The following SETBP1 variants were observed in gnomAD, a reference collection of about 807,000 sequenced individuals.
SETBP1 encodes the protein SET binding protein 1.
In SETBP1, 9 loss-of-function variants were observed where a neutral mutation model predicts 101.0. That is an observed-to-expected ratio of 0.09 (90% confidence interval 0.05 to 0.16). The LOEUF (loss-of-function observed/expected upper bound fraction) is 0.16, where lower values mean the gene tolerates loss of function less well. SETBP1 is among the 10% of genes least tolerant of loss of function. SETBP1 has a pLI of 1.00. For missense variants in SETBP1, 1,858 were observed against 2,033.8 expected (o/e 0.91, Z 1.66); for synonymous variants, 818 against 788.5 (o/e 1.04, Z -0.63).
chr18:45,033,899 A>T (rs930896104), intron 4 of SETBP1, among the ~76,000 whole-genome samples: 1 of 152,188 alleles, frequency 6.6e-6, no homozygotes, highest in Non-Finnish European at 1.5e-5. Flanking sequence ...GAACCCCTTG[A>T]CTTTCTTATC....
At chr18:44,687,448 G>T (rs1456780302) in intron 1 of SETBP1, among the ~76,000 whole-genome samples, 3 of 152,292 alleles carry the variant, frequency 2.0e-5, no homozygotes, top group Non-Finnish European at 4.4e-5. Flanking sequence ...GAAAGGGAAG[G>T]TGGTGCCCTG....
At chr18:44,747,251 C>T (rs2070276288) in intron 2 of SETBP1, among the ~76,000 whole-genome samples, 1 of 152,228 alleles carries the variant, frequency 6.6e-6, no homozygotes, top group African/African-American at 2.4e-5. Context: ...GGTTCTCCTT[C>T]ATGTGGGTTA....
intron 2 of SETBP1, among the ~76,000 whole-genome samples, chr18:44,742,541 A>G (rs1377392037): frequency 6.6e-6 from 1 of 152,258 alleles, no homozygotes; most frequent in East Asian, 1.9e-4. Flanking sequence ...AGCTATTGCC[A>G]TGAAAGAAGA....
At chr18:44,759,145 C>T (rs939934601) in intron 2 of SETBP1, among the ~76,000 whole-genome samples, 5 of 152,082 alleles carry the variant, frequency 3.3e-5, no homozygotes, top group African/African-American at 1.2e-4. Flanking sequence ...GAAAATATTT[C>T]AGTTATCAAA....
intron 3 of SETBP1, among the ~76,000 whole-genome samples, chr18:44,875,368 A>T (rs1336822010): frequency 1.3e-5 from 2 of 151,864 alleles, no homozygotes; most frequent in Non-Finnish European, 2.9e-5. Flanking sequence ...AAATACAAAA[A>T]CTAGCTGGGC....
chr18:44,790,112 G>A (rs1032734035), intron 2 of SETBP1, among the ~76,000 whole-genome samples: 1 of 152,100 alleles, frequency 6.6e-6, no homozygotes, highest in Non-Finnish European at 1.5e-5. Flanking sequence ...GGAAGAACAG[G>A]CTGTGTTTTA....
intron 4 of SETBP1, among the ~76,000 whole-genome samples, chr18:44,954,551 A>G (rs1296131078): frequency 2.6e-4 from 39 of 152,190 alleles, no homozygotes; most frequent in Non-Finnish European, 1.5e-5. Context: ...ATGAAGAATT[A>G]GAGACATTTT....
At chr18:44,794,907 T>A (rs1327254023) in intron 2 of SETBP1, among the ~76,000 whole-genome samples, 1 of 152,178 alleles carries the variant, frequency 6.6e-6, no homozygotes, top group Non-Finnish European at 1.5e-5. Flanking sequence ...GAAACATTCA[T>A]GGATGCAAGA....
intron 3 of SETBP1, among the ~76,000 whole-genome samples, chr18:44,947,894 A>C (rs2145082231): frequency 6.6e-6 from 1 of 152,346 alleles, no homozygotes; most frequent in East Asian, 1.9e-4. Context: ...AGGAGCAGAG[A>C]ACTTAGCCTC....
chr18:45,030,796 T>C (rs568431590), intron 4 of SETBP1, among the ~76,000 whole-genome samples: 3 of 151,536 alleles, frequency 2.0e-5, no homozygotes, highest in Non-Finnish European at 4.4e-5. Context: ...AGTTTGTTTG[T>C]GTAGAGGTGT....
intron 2 of SETBP1, among the ~76,000 whole-genome samples, chr18:44,797,655 G>A (rs1403001521): frequency 1.3e-5 from 2 of 152,108 alleles, no homozygotes; most frequent in African/African-American, 4.8e-5. Context: ...ACAGAGTCCT[G>A]CTCTTTCCTT....
rs1048162244 is a variant in SETBP1, at chr18:44,683,465, A to G, written c.-173+2444A>G. On this transcript the variant is annotated intron_variant, in intron 1 of 5. Coordinates refer to ENST00000649279, the MANE Select transcript of SETBP1 (RefSeq NM_015559.3). The stretch of plus-strand genomic sequence containing the variant: ...CTGAAGAAGAAATAAATAGGTAGGT[A>G]CTTTCCCCTGGATTCCATTTCTCCT... Among the ~76,000 whole-genome samples the G allele has an allele frequency of 3.3e-5, 5 of 152,214 alleles. No homozygotes were observed. In the South Asian group the frequency reaches 6.2e-4, roughly 19 times the overall value.
At chr18:44,984,985 A>G (rs1030146894) in intron 4 of SETBP1, among the ~76,000 whole-genome samples, 2 of 152,180 alleles carry the variant, frequency 1.3e-5, no homozygotes, top group Admixed American at 1.3e-4. Context: ...CACTAAAAAT[A>G]CAAAAACTAG....
chr18:44,959,234 T>C lies in SETBP1; in HGVS notation c.4000+5894T>C, dbSNP rs541585840. ...TGGCTTTGCTATAATATGGATCCTT[T>C]CTTGGCTGGAGAAATCAGGAAGCAT... is the stretch of plus-strand genomic sequence containing the variant. On this transcript the variant is annotated intron_variant, in intron 4 of 5. Transcript: ENST00000649279. 2.0e-5 allele frequency among the ~76,000 whole-genome samples: 3 copies of C among 152,312 alleles called. No homozygotes were observed. In the South Asian group the frequency reaches 6.2e-4, roughly 32 times the overall value.
At chr18:44,886,754 T>TTTATTATTA (rs4024294) in intron 3 of SETBP1, among the ~76,000 whole-genome samples, 8,985 of 143,008 alleles carry the variant, frequency 0.063, 276 homozygotes, top group South Asian at 0.08. Flanking sequence ...GACTGTACAT[T>TTTATTATTA]TTATTATTAT....
At chr18:45,013,001 A>T (rs2072870176) in intron 4 of SETBP1, among the ~76,000 whole-genome samples, 1 of 152,210 alleles carries the variant, frequency 6.6e-6, no homozygotes, top group African/African-American at 2.4e-5. Flanking sequence ...TACATGCATA[A>T]TACACTTGGC....
chr18:44,872,390 C>G (rs2069297122), intron 3 of SETBP1, among the ~76,000 whole-genome samples: 1 of 152,026 alleles, frequency 6.6e-6, no homozygotes. Flanking sequence ...ACACACACAT[C>G]TGTTTTTTTT....
At position 44,951,509 on chromosome 18, in the gene SETBP1, T is replaced by C. The variant is rs374032905; in HGVS notation, c.2169T>C (p.Ile723=). The C allele has an allele frequency of 1.9e-6, 3 of 1,614,002 alleles. No homozygotes were observed. The highest frequency in any genetic ancestry group is 2.5e-6 in the Non-Finnish European group (3 of 1,180,012). ...TCAGCAAGAGGGGAACCATCTACAT[T>C]GGCAAGAAGCGGGGCAGGAAGCCAA... ...INVSKRGTIY[I]GKKRGRKPRA... Residue 723 remains isoleucine (I), a synonymous_variant, in exon 4 of 6, where the codon ATT becomes ATC. Coordinates refer to ENST00000649279, the MANE Select transcript of SETBP1 (RefSeq NM_015559.3). This position sits in a 1 kb window ranked among gnomAD's most constrained non-coding sequence, Gnocchi z 7.8.
At chr18:45,027,810 A>C (rs1020983342) in intron 4 of SETBP1, among the ~76,000 whole-genome samples, 4 of 152,130 alleles carry the variant, frequency 2.6e-5, no homozygotes, top group African/African-American at 9.7e-5. Context: ...GTATTGGAGG[A>C]CAGAAGTCTG....
Sources: allele counts gnomAD v4.1 joint callset (sites outside exome capture counted in the v4.1 genomes callset), GRCh38; gene constraint gnomAD v4.1.1; non-coding constraint Gnocchi (gnomAD v3.1); transcripts MANE v1.5; gene names NCBI Gene and HGNC (gene_info 2026-07-23, HGNC 2026-07-21).